ZBED6: variants seen among roughly 807,000 people sequenced by gnomAD.
ZBED6 encodes zinc finger BED-type containing 6, also known as zinc finger BED domain-containing protein 6.
A neutral mutation model predicts 58.4 loss-of-function variants in ZBED6; 40 were observed. The observed-to-expected ratio is 0.68, with a 90% CI of 0.53 to 0.89. The LOEUF (loss-of-function observed/expected upper bound fraction) is 0.89. Among genes scored for constraint, ZBED6 ranks in the 40% least tolerant of loss-of-function variants. The pLI, the probability that ZBED6 is intolerant of heterozygous loss-of-function variation, is 0.00. For missense variants in ZBED6, 1,057 were observed against 1,003.9 expected (o/e 1.05, Z -0.71); for synonymous variants, 439 against 350.6 (o/e 1.25, Z -2.82).
intron 1 of ZBED6, among the ~76,000 whole-genome samples, chr1:203,807,869 G>C (rs1362379616): frequency 6.6e-6 from 1 of 152,014 alleles, no homozygotes; most frequent in Non-Finnish European, 1.5e-5. Context: ...AGCGTCCCAA[G>C]TAGCTGGGAG....
intron 8 of ZBED6, among the ~76,000 whole-genome samples, chr1:203,833,238 C>T (rs1029983765): frequency 6.6e-6 from 1 of 151,998 alleles, no homozygotes; most frequent in South Asian, 2.1e-4. Context: ...CATGGTGGTG[C>T]ACGCCTGTAA....
intron 2 of ZBED6, 130 bp downstream of exon 2, chr1:203,817,254 GT>G (rs1676658972): frequency 4.7e-6 from 3 of 633,034 alleles, no homozygotes; most frequent in Non-Finnish European, 7.7e-6. Context: ...TTGGCTGTCA[GT>G]TTTTTAAAGG....
exon 1 of ZBED6, chr1:203,798,370 C>A (rs1669359521): frequency 2.0e-6 from 3 of 1,533,728 alleles, no homozygotes; most frequent in Non-Finnish European, 2.6e-6. Context: ...ATCTCAAGAG[C>A]TGTGTGTAAT....
intron 9 of ZBED6, chr1:203,835,839 A>G (rs775185322): frequency 8.2e-5 from 20 of 243,910 alleles, no homozygotes; most frequent in African/African-American, 1.6e-4. Context: ...AAGAAAAGCT[A>G]TGTGCTCCCT....
At chr1:203,838,055 C>G (rs2103171409) in exon 10 of ZBED6, 1 of 1,614,072 alleles carries the variant, frequency 6.2e-7, no homozygotes, top group Non-Finnish European at 8.5e-7. Flanking sequence ...TGACAAAACA[C>G]CAAAGAAAGG....
exon 1 of ZBED6, chr1:203,801,175 A>G (rs965368601): frequency 8.5e-5 from 13 of 152,232 alleles, no homozygotes; most frequent in Non-Finnish European, 1.8e-4. Flanking sequence ...AAAACAGACT[A>G]AAATGTTTGC....
chr1:203,829,232 G>A, intron 4 of ZBED6: 1 of 583,706 alleles, frequency 1.7e-6, no homozygotes, highest in South Asian at 2.1e-5. Flanking sequence ...TCTGTTTTGA[G>A]TGCCCACTTT....
At chr1:203,796,538 C>A (rs1241732777) in exon 1 of ZBED6, 5 of 398,748 alleles carry the variant, frequency 1.3e-5, no homozygotes, top group African/African-American at 1.0e-4. Flanking sequence ...TTGACATCTT[C>A]CAGGCCTTGG....
intron 1 of ZBED6, among the ~76,000 whole-genome samples, chr1:203,806,920 T>C (rs1041633498): frequency 1.7e-4 from 26 of 148,616 alleles, no homozygotes; most frequent in African/African-American, 6.5e-4. Flanking sequence ...TTTTGAAGTC[T>C]TTCAAAAATT....
chr1:203,840,778 C>T (rs116271813), intron 11 of ZBED6, among the ~76,000 whole-genome samples: 1,639 of 151,970 alleles, frequency 0.011, 38 homozygotes, highest in African/African-American at 0.038. Context: ...GAATTACAGG[C>T]GTACGCCACC....
chr1:203,798,113 G>A (rs767006304), exon 1 of ZBED6: 42 of 1,535,994 alleles, frequency 2.7e-5, no homozygotes, highest in South Asian at 1.5e-4. Context: ...GTGGAGAGGA[G>A]GACTTTACCT....
intron 1 of ZBED6, among the ~76,000 whole-genome samples, chr1:203,803,949 A>G (rs928343006): frequency 2.0e-5 from 3 of 152,144 alleles, no homozygotes; most frequent in African/African-American, 7.2e-5. Context: ...TTTATAATCA[A>G]GTTCCAGTAA....
At chr1:203,822,218 T>G (rs764910015) in intron 3 of ZBED6, among the ~76,000 whole-genome samples, 3 of 152,188 alleles carry the variant, frequency 2.0e-5, no homozygotes, top group Non-Finnish European at 4.4e-5. Flanking sequence ...ATAATACTTT[T>G]ATTTATTTGA....
chr1:203,831,878 T>C (rs1158260806), intron 8 of ZBED6, 107 bp downstream of exon 8: 2 of 866,218 alleles, frequency 2.3e-6, no homozygotes, highest in Non-Finnish European at 3.6e-6. Flanking sequence ...AGGAATTTGT[T>C]AGTATGCTGA....
intron 1 of ZBED6, among the ~76,000 whole-genome samples, chr1:203,809,210 T>C (rs6699480): frequency 0.44 from 59,204 of 135,110 alleles, 14,062 homozygotes; most frequent in Non-Finnish European, 0.53. Flanking sequence ...GAGTCTTGCT[T>C]TGTCTCCCAG....
At chr1:203,804,541 C>G (rs1238572503) in intron 1 of ZBED6, among the ~76,000 whole-genome samples, 1 of 152,018 alleles carries the variant, frequency 6.6e-6, no homozygotes, top group African/African-American at 2.4e-5. Context: ...ATGATTATTG[C>G]TGGTATGAAG....
intron 1 of ZBED6, chr1:203,805,738 T>G (rs561478796): frequency 6.0e-6 from 4 of 668,406 alleles, no homozygotes; most frequent in Non-Finnish European, 1.1e-5. Context: ...TAAATAGAAC[T>G]CTTGGTCAGC....
At chr1:203,848,764 AC>A (rs1267038382) in intron 13 of ZBED6, among the ~76,000 whole-genome samples, 4 of 152,128 alleles carry the variant, frequency 2.6e-5, no homozygotes, top group African/African-American at 9.7e-5. Context: ...ATTGGCCATT[AC>A]TTTTTTTTAA....
intron 1 of ZBED6, among the ~76,000 whole-genome samples, chr1:203,812,304 T>C (rs2102669871): frequency 6.6e-6 from 1 of 152,268 alleles, no homozygotes; most frequent in Admixed American, 6.5e-5. Flanking sequence ...GGCTCCAGTG[T>C]TTGTTGTTCC....
Sources: allele counts gnomAD v4.1 joint callset (sites outside exome capture counted in the v4.1 genomes callset), GRCh38; gene constraint gnomAD v4.1.1; transcripts MANE v1.5; gene names NCBI Gene and HGNC (gene_info 2026-07-23, HGNC 2026-07-21).